The following STAG2 variants were observed in gnomAD, a reference collection of about 807,000 sequenced individuals.
STAG2 encodes cohesin subunit SA-2.
In STAG2, 14 loss-of-function variants were observed where a neutral mutation model predicts 108.1. That is an observed-to-expected ratio of 0.13 (90% CI 0.09 to 0.20). The LOEUF (loss-of-function observed/expected upper bound fraction) is 0.20, where lower values mean the gene tolerates loss of function less well. Among genes scored for constraint, STAG2 ranks in the 10% least tolerant of loss-of-function variants. The pLI is 1.00. For missense variants in STAG2, 440 were observed against 940.9 expected, an observed-to-expected ratio of 0.47 and a Z score of 6.96; for synonymous variants, 307 against 302.7, an observed-to-expected ratio of 1.01 and a Z score of -0.15.
chrX:123,971,118 C>T (rs1371231009), intron 1 of STAG2, among the ~76,000 whole-genome samples: 1 of 111,857 alleles, frequency 8.9e-6, no homozygotes, highest in Non-Finnish European at 1.9e-5. Flanking sequence ...ACTTAGTAAG[C>T]GGTAAGAAGG....
At chrX:124,068,103 A>G (rs2058583449) in intron 23 of STAG2, among the ~76,000 whole-genome samples, 1 of 111,622 alleles carries the variant, frequency 9.0e-6, no homozygotes, top group African/African-American at 3.2e-5. Context: ...ACCACAAAAT[A>G]TTTTCCATTC....
intron 25 of STAG2, among the ~76,000 whole-genome samples, chrX:124,075,980 G>A (rs1193832158): frequency 1.8e-5 from 2 of 111,553 alleles, no homozygotes; most frequent in Non-Finnish European, 3.8e-5. Flanking sequence ...TTCTGAGGTT[G>A]GCAGTGTTCA....
intron 1 of STAG2, among the ~76,000 whole-genome samples, chrX:124,012,658 CAT>C (rs774591211): frequency 2.7e-5 from 3 of 111,418 alleles, no homozygotes; most frequent in Admixed American, 1.9e-4. Flanking sequence ...GGACATGTGA[CAT>C]ATATGTGTTC....
At chrX:124,033,779 C>CA (rs1410904683) in intron 5 of STAG2, among the ~76,000 whole-genome samples, 1 of 110,996 alleles carries the variant, frequency 9.0e-6, no homozygotes, top group African/African-American at 3.3e-5. Flanking sequence ...CAAACAAAAA[C>CA]AAAAAACCAA....
upstream of STAG2, chrX:123,960,888 G>A (rs1350294721): frequency 8.9e-6 from 1 of 111,744 alleles, no homozygotes; most frequent in Non-Finnish European, 1.9e-5. Context: ...AATGGCGGAG[G>A]CGAAGCTTCT....
chrX:123,968,712 G>C (rs1403628244), intron 1 of STAG2, among the ~76,000 whole-genome samples: 1 of 112,291 alleles, frequency 8.9e-6, no homozygotes, highest in Non-Finnish European at 1.9e-5. Context: ...TGAAAAACAA[G>C]TCCTATTTAC....
In STAG2 at chrX:124,100,883, T is replaced by TAAA; in HGVS notation, c.*299_*301dup. ...GAATCGATTATTTCATGCTTTTTTT[T>TAAA]AAAAAAAAAAAAAAACAAAATAACA... On this transcript the variant is annotated 3_prime_UTR_variant, in exon 35 of 35. Transcript: ENST00000371145. 5.9e-5 allele frequency: 10 copies of TAAA among 170,169 alleles called. No individual in the cohort carries two copies. Among genetic ancestry groups the TAAA allele is most frequent in the African/African-American group, 6.8e-5 (2 of 29,626 alleles). 14.0% of individuals were successfully genotyped at this position (170,169 alleles called of 1,213,427 possible).
At chrX:124,039,234 C>T (rs1040396692) in intron 6 of STAG2, among the ~76,000 whole-genome samples, 4 of 108,101 alleles carry the variant, frequency 3.7e-5, no homozygotes, top group African/African-American at 6.7e-5. Flanking sequence ...TGGCTCACTG[C>T]GGCCTTGACC....
intron 25 of STAG2, among the ~76,000 whole-genome samples, chrX:124,075,883 C>G (rs1382405794): frequency 9.0e-6 from 1 of 111,205 alleles, no homozygotes; most frequent in African/African-American, 3.3e-5. Context: ...GCCTGTCTAG[C>G]TGAATATATG....
chrX:124,001,395 A>G (rs1048141550), intron 1 of STAG2, among the ~76,000 whole-genome samples: 1 of 111,347 alleles, frequency 9.0e-6, no homozygotes, highest in African/African-American at 3.3e-5. Context: ...CGGCCAAAAT[A>G]TTTAAAAAAA....
At chrX:124,043,799 G>T (rs1345098191) in intron 7 of STAG2, among the ~76,000 whole-genome samples, 1 of 110,825 alleles carries the variant, frequency 9.0e-6, no homozygotes, top group Non-Finnish European at 1.9e-5. Flanking sequence ...ACCTCCCTAG[G>T]GCTAGATTGA....
Position 123,978,061 on chromosome X carries a change from T to C in STAG2, c.-163+16205T>C, listed in dbSNP as rs5958367. ...TCTTAACCATATTGCTTAGGCTGGT[T>C]TTGAACTCGTGGGCTCAAGCCACCT... On this transcript the variant is annotated intron_variant, in intron 1 of 34. Coordinates refer to ENST00000371145, the MANE Select transcript of STAG2 (RefSeq NM_001042750.2). Among the ~76,000 whole-genome samples, 372 of 109,109 alleles carry C rather than the reference T, an allele frequency of 3.4e-3. 1 individual carries two copies. Among genetic ancestry groups the C allele is most frequent in the African/African-American group, 0.011 (344 of 30,035 alleles). 94.7% of individuals were successfully genotyped at this position (109,109 alleles called of 115,157 possible).
intron 1 of STAG2, chrX:124,003,886 T>G (rs763581186): frequency 8.9e-6 from 1 of 112,094 alleles, no homozygotes; most frequent in African/African-American, 3.2e-5. Context: ...GTTTAATATA[T>G]TTTAATACAC....
intron 30 of STAG2, among the ~76,000 whole-genome samples, chrX:124,088,184 T>C (rs1445455999): frequency 9.0e-6 from 1 of 110,869 alleles, no homozygotes; most frequent in Non-Finnish European, 1.9e-5. Flanking sequence ...CTCTCTCTCT[T>C]TTTTTTTAGA....
chrX:124,073,186 T>C (rs1285726145), intron 25 of STAG2, among the ~76,000 whole-genome samples: 1 of 111,739 alleles, frequency 8.9e-6, no homozygotes, highest in Non-Finnish European at 1.9e-5. Flanking sequence ...AATAGGACTT[T>C]ATAAAACGTC....
At chrX:124,001,529 G>C (rs2056042114) in intron 1 of STAG2, among the ~76,000 whole-genome samples, 1 of 111,806 alleles carries the variant, frequency 8.9e-6, no homozygotes, top group South Asian at 3.7e-4. Context: ...TTTCAGTCCT[G>C]CAAGCTCCAT....
At chrX:124,006,486 T>G (rs1196725837) in intron 1 of STAG2, among the ~76,000 whole-genome samples, 2 of 103,524 alleles carry the variant, frequency 1.9e-5, no homozygotes, top group Non-Finnish European at 3.9e-5. Flanking sequence ...TTGCCCAGGC[T>G]GGAGTGCAGT....
chrX:123,985,230 C>A (rs894809170), intron 1 of STAG2, among the ~76,000 whole-genome samples: 1 of 110,751 alleles, frequency 9.0e-6, no homozygotes, highest in Non-Finnish European at 1.9e-5. Flanking sequence ...TTAAGACAAC[C>A]GTTTATTCCT....
At chrX:124,022,303 A>G (rs1347068474) in intron 2 of STAG2, among the ~76,000 whole-genome samples, 1 of 109,113 alleles carries the variant, frequency 9.2e-6, no homozygotes, top group Non-Finnish European at 1.9e-5. Context: ...CCTGGGAGGC[A>G]GAGGTTGCAG....
Sources: allele counts gnomAD v4.1 joint callset (sites outside exome capture counted in the v4.1 genomes callset), GRCh38; gene constraint gnomAD v4.1.1; transcripts MANE v1.5; gene names NCBI Gene and HGNC (gene_info 2026-07-23, HGNC 2026-07-21).